The following SLIT2 variants were observed in gnomAD, a reference collection of about 807,000 sequenced individuals.
The protein encoded by SLIT2 is slit guidance ligand 2.
SLIT2 carries 41 observed loss-of-function variants against 185.7 expected under a neutral mutation model. The ratio of observed to expected loss-of-function variants is 0.22; its 90% CI spans 0.17 to 0.29. SLIT2 has a LOEUF of 0.29. SLIT2 is among the 10% of genes least tolerant of loss of function. The pLI is 1.00. For synonymous variants in SLIT2, 693 were observed against 680.2 expected (o/e 1.02, Z -0.29); for missense variants, 1,571 against 1,909.0 (o/e 0.82, Z 3.30).
At chr4:20,463,922 C>T (rs1047386138) in intron 4 of SLIT2, among the ~76,000 whole-genome samples, 4 of 151,766 alleles carry the variant, frequency 2.6e-5, no homozygotes, top group African/African-American at 9.7e-5. Context: ...AATTAGCACT[C>T]CAAATTGCTC....
At chr4:20,400,549 A>G (rs563780363) in intron 4 of SLIT2, among the ~76,000 whole-genome samples, 1 of 151,750 alleles carries the variant, frequency 6.6e-6, no homozygotes, top group South Asian at 2.1e-4. Context: ...TTTTTTTCAA[A>G]TTAGTTCTTG....
chr4:20,556,695 T>C (rs6849284), intron 26 of SLIT2, among the ~76,000 whole-genome samples: 4,984 of 151,896 alleles, frequency 0.033, 345 homozygotes, highest in African/African-American at 0.11. Context: ...AAGAGTCTCA[T>C]ATCTCTCACA....
Position 20,385,612 on chromosome 4 carries a change from A to G in SLIT2, c.396-82140A>G, listed in dbSNP as rs193112733. 1.6e-3 allele frequency among the ~76,000 whole-genome samples: 237 copies of G among 152,302 alleles called. 1 individual carries two copies. Among genetic ancestry groups the G allele is most frequent in the South Asian group, 0.014 (69 of 4,826 alleles). ...TTTATTTCATCGGTGAAATAAAGTC[A>G]GTTGCATTTCTCTTCAGGATTTTAA... is the stretch of plus-strand genomic sequence containing the variant. On this transcript the variant is annotated intron_variant, in intron 4 of 36. Coordinates refer to ENST00000504154, the MANE Select transcript of SLIT2 (RefSeq NM_004787.4).
chr4:20,323,467 C>G (rs1560316904), intron 4 of SLIT2, among the ~76,000 whole-genome samples: 1 of 151,774 alleles, frequency 6.6e-6, no homozygotes, highest in Non-Finnish European at 1.5e-5. Flanking sequence ...GAATCATATT[C>G]AAAATACTTT....
At chr4:20,334,709 C>T (rs1434722953) in intron 4 of SLIT2, among the ~76,000 whole-genome samples, 2 of 152,048 alleles carry the variant, frequency 1.3e-5, no homozygotes, top group Non-Finnish European at 2.9e-5. Context: ...ACTCTTTGTA[C>T]CTCAGTTTTT....
intron 4 of SLIT2, among the ~76,000 whole-genome samples, chr4:20,326,084 T>C (rs574490592): frequency 1.3e-5 from 2 of 152,224 alleles, no homozygotes; most frequent in South Asian, 4.1e-4. Context: ...TCTGTGCCCT[T>C]AAAAAATCTG....
Position 20,467,972 on chromosome 4 carries a change from A to G in SLIT2, c.467+149A>G, listed in dbSNP as rs1170802754. The G allele has an allele frequency of 4.2e-5, 19 of 452,686 alleles. No homozygotes were observed. The East Asian group carries it at 5.2e-4, about 12-fold the overall frequency. The allele number at this position is 452,686 out of a possible 1,614,324, so 28.0% of individuals were successfully genotyped here. A position where few individuals can be genotyped will look rare whatever the true frequency, so the allele number is the denominator to read the frequency against. ...GAGACCTTGTAACAGTAAGTTGTCA[A>G]TTGTTTTCACAAGCTGTTTGACGAG... On this transcript the variant is annotated intron_variant, in intron 5 of 36. Transcript: ENST00000504154.
chr4:20,296,785 C>T (rs1316589914), intron 4 of SLIT2, among the ~76,000 whole-genome samples: 2 of 152,160 alleles, frequency 1.3e-5, no homozygotes, highest in Admixed American at 6.5e-5. Context: ...TGAATGTATC[C>T]CCCGAAAAGA....
rs149934533 is a variant in SLIT2, at chr4:20,265,501, G to A, written c.324-3309G>A. ...GTATCCATATTACCACATTACTTAC[G>A]TTATCTGTCCTTTTTGTGCAATACC... On this transcript the variant is annotated intron_variant, in intron 3 of 36. Transcript: ENST00000504154. 6.5e-3 allele frequency among the ~76,000 whole-genome samples: 984 copies of A among 151,962 alleles called. 5 individuals are homozygous for A. Among genetic ancestry groups the A allele is most frequent in the Non-Finnish European group, 0.011 (735 of 67,878 alleles).
At chr4:20,312,473 T>G (rs189008730) in intron 4 of SLIT2, among the ~76,000 whole-genome samples, 124 of 152,194 alleles carry the variant, frequency 8.1e-4, no homozygotes, top group Middle Eastern at 3.4e-3. Context: ...AATTAAAATA[T>G]ATATTAAAGA....
intron 29 of SLIT2, among the ~76,000 whole-genome samples, chr4:20,587,236 C>A (rs1188960738): frequency 6.6e-6 from 1 of 152,078 alleles, no homozygotes; most frequent in Non-Finnish European, 1.5e-5. Flanking sequence ...CCAAGCTGGT[C>A]TCGAACTCCT....
At chr4:20,410,113 T>G (rs1286620183) in intron 4 of SLIT2, among the ~76,000 whole-genome samples, 2 of 152,162 alleles carry the variant, frequency 1.3e-5, no homozygotes, top group Non-Finnish European at 2.9e-5. Flanking sequence ...TGCAATTGCT[T>G]TTGGCATCTT....
chr4:20,505,644 GTTTAT>G (rs1052654381), intron 9 of SLIT2, among the ~76,000 whole-genome samples: 21 of 152,120 alleles, frequency 1.4e-4, no homozygotes, highest in South Asian at 4.1e-4. Context: ...AAAACCATTA[GTTTAT>G]TTTATGTGTT....
intron 24 of SLIT2, 69 bp downstream of exon 24, chr4:20,549,197 G>T: frequency 1.2e-6 from 1 of 843,634 alleles, no homozygotes; most frequent in South Asian, 1.5e-5. Flanking sequence ...TCTTTTTAAG[G>T]ATGTAACTGC....
intron 4 of SLIT2, among the ~76,000 whole-genome samples, chr4:20,358,484 G>A (rs1464189226): frequency 6.6e-6 from 1 of 152,040 alleles, no homozygotes; most frequent in Admixed American, 6.6e-5. Flanking sequence ...GGTAGGTAGA[G>A]TATCACGATA....
At chr4:20,398,913 G>A (rs888055496) in intron 4 of SLIT2, among the ~76,000 whole-genome samples, 4 of 151,638 alleles carry the variant, frequency 2.6e-5, no homozygotes, top group African/African-American at 9.7e-5. Flanking sequence ...AATTCATGCA[G>A]TTATACTTCA....
At chr4:20,330,629 T>C (rs986927840) in intron 4 of SLIT2, among the ~76,000 whole-genome samples, 1 of 152,078 alleles carries the variant, frequency 6.6e-6, no homozygotes, top group South Asian at 2.1e-4. Flanking sequence ...AGATAGATAT[T>C]TATGTTTGTT....
chr4:20,539,889 G>T (rs998264326), intron 19 of SLIT2, among the ~76,000 whole-genome samples: 5 of 152,040 alleles, frequency 3.3e-5, no homozygotes, highest in Non-Finnish European at 7.4e-5. Context: ...GCATATAAAA[G>T]AAATGTTATA....
intron 4 of SLIT2, among the ~76,000 whole-genome samples, chr4:20,458,300 C>T (rs1437850864): frequency 1.3e-5 from 2 of 151,992 alleles, no homozygotes; most frequent in Non-Finnish European, 2.9e-5. Context: ...TTTAATGGGG[C>T]TTCCTAGTTT....
Sources: allele counts gnomAD v4.1 joint callset (sites outside exome capture counted in the v4.1 genomes callset), GRCh38; gene constraint gnomAD v4.1.1; transcripts MANE v1.5; gene names NCBI Gene and HGNC (gene_info 2026-07-23, HGNC 2026-07-21).